AK8: variants seen among roughly 807,000 people sequenced by gnomAD.
AK8 encodes ATP-AMP transphosphorylase 8.
AK8 carries 44 observed loss-of-function variants against 54.6 expected under a neutral mutation model. The observed-to-expected ratio is 0.81, with a 90% CI of 0.63 to 1.04. The LOEUF is 1.04. Ranked by LOEUF, AK8 falls within the 50% of genes least tolerant of loss-of-function variation. The pLI, the probability that AK8 is intolerant of heterozygous loss-of-function variation, is 0.00. For synonymous variants in AK8, 239 were observed against 245.6 expected, an observed-to-expected ratio of 0.97 and a Z score of 0.25; for missense variants, 555 against 613.6, an observed-to-expected ratio of 0.90 and a Z score of 1.01.
At chr9:132,778,283 G>C (rs558077671) in intron 11 of AK8, among the ~76,000 whole-genome samples, 1 of 152,274 alleles carries the variant, frequency 6.6e-6, no homozygotes, top group African/African-American at 2.4e-5. Context: ...GTAAGATAAG[G>C]CTAACACCCT....
rs576183219 is a variant in AK8 at position 132,740,721 on chromosome 9, C to T, written c.1122-13187G>A. Among the ~76,000 whole-genome samples, 3 of 152,252 alleles carry T rather than the reference C, an allele frequency of 2.0e-5. No homozygotes were observed. In the East Asian group the frequency reaches 5.8e-4, roughly 29 times the overall value. ...GTCTTAGAGCTGAGCACCCCCCCGC[C>T]CCACTCTGGGGCTGCATCCCTCACC... On this transcript the variant is annotated intron_variant, in intron 11 of 12. Transcript: ENST00000298545.
intron 9 of AK8, among the ~76,000 whole-genome samples, chr9:132,818,400 C>T (rs899899210): frequency 2.6e-5 from 4 of 152,052 alleles, no homozygotes; most frequent in South Asian, 2.1e-4. Context: ...TTATAACATA[C>T]GCAGAAGTAA....
chr9:132,814,844 C>CCCTTTT, intron 9 of AK8, 117 bp from the exon 10 acceptor site: 1 of 799,832 alleles, frequency 1.3e-6, no homozygotes, highest in Non-Finnish European at 1.9e-6. Context: ...CTGAAAAAAG[C>CCCTTTT]ATAAAAGGGT....
At chr9:132,841,258 A>G (rs1424750173) in intron 5 of AK8, among the ~76,000 whole-genome samples, 1 of 152,186 alleles carries the variant, frequency 6.6e-6, no homozygotes, top group African/African-American at 2.4e-5. Context: ...CAGATATTCA[A>G]GGGTCAGCTC....
intron 9 of AK8, among the ~76,000 whole-genome samples, chr9:132,816,379 A>G (rs954031383): frequency 8.6e-5 from 13 of 151,842 alleles, no homozygotes; most frequent in African/African-American, 2.9e-4. Context: ...AAAAAGAAAG[A>G]AAAGAAAAAA....
intron 10 of AK8, among the ~76,000 whole-genome samples, chr9:132,812,525 T>TGGG (rs1564415050): frequency 0.14 from 967 of 6,742 alleles, 37 homozygotes; most frequent in South Asian, 0.25. Context: ...AGGGGTGAGC[T>TGGG]ACCGTGCCCA....
At chr9:132,792,504 G>T in intron 11 of AK8, 130 bp downstream of exon 11, 1 of 1,314,698 alleles carries the variant, frequency 7.6e-7, no homozygotes, top group Non-Finnish European at 1.0e-6. Flanking sequence ...GTGGGAATGG[G>T]GATGACCAGG....
At chr9:132,752,452 T>C (rs969215222) in intron 11 of AK8, among the ~76,000 whole-genome samples, 1 of 152,124 alleles carries the variant, frequency 6.6e-6, no homozygotes, top group African/African-American at 2.4e-5. Flanking sequence ...GGTTTTACCA[T>C]GTTAGCCAGG....
At position 132,766,067 on chromosome 9, in the gene AK8, A is replaced by G. The variant is rs1838712921; in HGVS notation, c.1121+26567T>C. Reference sequence around the variant, plus strand: ...CAAGAATAAACTGGTGGAAAAAGAAATCAAGAAAGCAATCCCAATTACCAT... The same window carrying G: ...CAAGAATAAACTGGTGGAAAAAGAAGTCAAGAAAGCAATCCCAATTACCAT... On this transcript the variant is annotated intron_variant, in intron 11 of 12. Coordinates refer to ENST00000298545, the MANE Select transcript of AK8 (RefSeq NM_152572.3). 1.3e-5 allele frequency among the ~76,000 whole-genome samples: 2 copies of G among 152,254 alleles called. 1 individual carries two copies. Among genetic ancestry groups the G allele is most frequent in the South Asian group, 4.1e-4 (2 of 4,834 alleles).
At chr9:132,737,585 A>G (rs1473714038) in intron 11 of AK8, among the ~76,000 whole-genome samples, 1 of 152,238 alleles carries the variant, frequency 6.6e-6, no homozygotes, top group African/African-American at 2.4e-5. Flanking sequence ...TCAAAAGTCA[A>G]TCAATAAGTA....
rs186713776 is a variant in AK8 at position 132,849,894 on chromosome 9, C to T, written c.402+4963G>A. Among the ~76,000 whole-genome samples the T allele has an allele frequency of 2.4e-3, 372 of 151,872 alleles. 2 individuals are homozygous for T. Among genetic ancestry groups the T allele is most frequent in the African/African-American group, 8.5e-3 (350 of 41,382 alleles). Reference sequence around the variant, plus strand: ...CCGAGTAGCTGCGATTACAGGTGCACGCCACCATGCCCAGCAAATTTTTTG... The same window carrying T: ...CCGAGTAGCTGCGATTACAGGTGCATGCCACCATGCCCAGCAAATTTTTTG... On this transcript the variant is annotated intron_variant, in intron 5 of 12. Transcript: ENST00000298545.
chr9:132,845,580 C>A (rs570371992), intron 5 of AK8, among the ~76,000 whole-genome samples: 1 of 152,076 alleles, frequency 6.6e-6, no homozygotes, highest in Non-Finnish European at 1.5e-5. Context: ...ACTTGGAAGT[C>A]AGGAGTTTGA....
chr9:132,775,957 T>G (rs1224723040), intron 11 of AK8, among the ~76,000 whole-genome samples: 4 of 152,228 alleles, frequency 2.6e-5, no homozygotes, highest in African/African-American at 9.6e-5. Flanking sequence ...GTAATTGCTC[T>G]TATGCTCTCA....
chr9:132,765,536 T>G (rs546086763), intron 11 of AK8, among the ~76,000 whole-genome samples: 19 of 152,060 alleles, frequency 1.2e-4, no homozygotes, highest in Non-Finnish European at 2.1e-4. Context: ...CCCCAGCTAC[T>G]CGGGAGGCTG....
chr9:132,795,915 A>G (rs1002697169), intron 10 of AK8, among the ~76,000 whole-genome samples: 1 of 152,176 alleles, frequency 6.6e-6, no homozygotes, highest in African/African-American at 2.4e-5. Context: ...TAAGGCCTCC[A>G]TTGTTTAGCG....
intron 5 of AK8, among the ~76,000 whole-genome samples, chr9:132,843,186 G>A (rs1842610426): frequency 6.6e-6 from 1 of 152,182 alleles, no homozygotes; most frequent in African/African-American, 2.4e-5. Flanking sequence ...GGAGCCTGGT[G>A]GGAGGTGTTT....
intron 11 of AK8, among the ~76,000 whole-genome samples, chr9:132,732,696 C>G (rs550231386): frequency 6.6e-6 from 1 of 152,078 alleles, no homozygotes; most frequent in Non-Finnish European, 1.5e-5. Flanking sequence ...GTTCACGCCA[C>G]GAGAGCAGAA....
chr9:132,877,988 G>A, intron 1 of AK8, 184 bp downstream of exon 1: 1 of 1,459,092 alleles, frequency 6.9e-7, no homozygotes, highest in Non-Finnish European at 9.3e-7. Flanking sequence ...GGCAGGACCA[G>A]GAGCGTCCCC....
intron 5 of AK8, among the ~76,000 whole-genome samples, chr9:132,829,699 A>G (rs910006737): frequency 2.6e-5 from 4 of 151,926 alleles, no homozygotes; most frequent in Admixed American, 2.6e-4. Context: ...TGGTACAGCT[A>G]GGGAACTGGT....
Sources: allele counts gnomAD v4.1 joint callset (sites outside exome capture counted in the v4.1 genomes callset), GRCh38; gene constraint gnomAD v4.1.1; transcripts MANE v1.5; gene names NCBI Gene and HGNC (gene_info 2026-07-23, HGNC 2026-07-21).